The following ELAVL2 variants were observed in gnomAD, a reference collection of about 807,000 sequenced individuals.
ELAVL2 encodes ELAV-like protein 2.
Under a neutral mutation model 34.6 loss-of-function variants are expected in ELAVL2, and 4 were observed. The ratio of observed to expected loss-of-function variants is 0.12; its 90% CI spans 0.06 to 0.26. The LOEUF (loss-of-function observed/expected upper bound fraction) is 0.26. ELAVL2 is among the 10% of genes least tolerant of loss of function. The probability of loss-of-function intolerance (pLI) is 1.00; values close to 1 mark genes in which losing one functional copy is unlikely to be tolerated. For missense variants in ELAVL2, 432 were observed against 442.8 expected (o/e 0.98, Z 0.22); for synonymous variants, 193 against 154.8 (o/e 1.25, Z -1.83).
intron 2 of ELAVL2, among the ~76,000 whole-genome samples, chr9:23,759,748 ATAGTAT>A (rs1264807675): frequency 5.9e-4 from 59 of 99,910 alleles, no homozygotes; most frequent in African/African-American, 2.7e-3. Flanking sequence ...TACATCATAT[ATAGTAT>A]TATATATATA....
intron 3 of ELAVL2, among the ~76,000 whole-genome samples, chr9:23,719,918 C>T (rs1390624676): frequency 1.3e-5 from 2 of 151,426 alleles, no homozygotes; most frequent in Admixed American, 6.6e-5. Flanking sequence ...TTCCGCCTCC[C>T]GGGTTCAAGG....
At chr9:23,804,426 G>C (rs564477529) in intron 1 of ELAVL2, among the ~76,000 whole-genome samples, 1 of 152,148 alleles carries the variant, frequency 6.6e-6, no homozygotes, top group East Asian at 1.9e-4. Context: ...CTTTTTGAAT[G>C]CTCTCTGAAC....
At chr9:23,711,725 C>G (rs2041018478) in intron 3 of ELAVL2, among the ~76,000 whole-genome samples, 1 of 152,160 alleles carries the variant, frequency 6.6e-6, no homozygotes, top group South Asian at 2.1e-4. Context: ...CTGACTTAAC[C>G]AAAATGTACT....
Position 23,692,102 on chromosome 9 carries a change from A to G in ELAVL2, c.*455T>C, listed in dbSNP as rs756702876. On this transcript the variant is annotated 3_prime_UTR_variant, in exon 7 of 7. Coordinates refer to ENST00000397312, the MANE Select transcript of ELAVL2 (RefSeq NM_004432.5). ...TTCAAAATACTTTTCTTAAACAGACATAACAGCAATGCTTTAAATGTAAAC... is the reference window on the plus strand; with the variant it reads ...TTCAAAATACTTTTCTTAAACAGACGTAACAGCAATGCTTTAAATGTAAAC... The G allele has an allele frequency of 1.7e-4, 27 of 156,086 alleles. No individual in the cohort carries two copies. Among genetic ancestry groups the G allele is most frequent in the African/African-American group, 3.4e-4 (14 of 41,492 alleles). 9.7% of individuals were successfully genotyped at this position (156,086 alleles called of 1,614,324 possible).
At chr9:23,819,211 G>A (rs1019429878) in intron 1 of ELAVL2, among the ~76,000 whole-genome samples, 4 of 152,144 alleles carry the variant, frequency 2.6e-5, no homozygotes, top group African/African-American at 9.7e-5. Context: ...AAGGAATGAT[G>A]GTATATGACA....
the ELAVL2 span, chr9:23,849,959 C>T: frequency 6.6e-6 from 1 of 152,126 alleles, no homozygotes. Flanking sequence ...ATTTTCAAAA[C>T]TGCTTGTGCT....
intron 2 of ELAVL2, among the ~76,000 whole-genome samples, chr9:23,736,323 C>A (rs549564382): frequency 6.6e-6 from 1 of 152,246 alleles, no homozygotes; most frequent in African/African-American, 2.4e-5. Context: ...CTACAATAAG[C>A]ATTCAATAAC....
At chr9:23,752,113 A>G (rs775641831) in intron 2 of ELAVL2, among the ~76,000 whole-genome samples, 35 of 152,184 alleles carry the variant, frequency 2.3e-4, no homozygotes, top group Non-Finnish European at 3.8e-4. Context: ...GGGGAAAAAC[A>G]AAAGTCTGCA....
chr9:23,844,492 T>C, the ELAVL2 span, among the ~76,000 whole-genome samples: 1 of 152,010 alleles, frequency 6.6e-6, no homozygotes, highest in African/African-American at 2.4e-5. Context: ...AATTAGAAAT[T>C]CAAAAGTCTA....
chr9:23,708,471 TG>T (rs1216781190), intron 3 of ELAVL2, among the ~76,000 whole-genome samples: 1 of 152,184 alleles, frequency 6.6e-6, no homozygotes, highest in African/African-American at 2.4e-5. Flanking sequence ...TTCTGTGTCC[TG>T]GTCTCCTCAT....
At chr9:23,695,330 T>C (rs1050592462) in intron 5 of ELAVL2, among the ~76,000 whole-genome samples, 1 of 152,184 alleles carries the variant, frequency 6.6e-6, no homozygotes, top group Non-Finnish European at 1.5e-5. Flanking sequence ...AGGCACCTTA[T>C]CAATTCACTC....
intron 1 of ELAVL2, among the ~76,000 whole-genome samples, chr9:23,772,641 A>G (rs2057510109): frequency 6.6e-6 from 1 of 152,054 alleles, no homozygotes; most frequent in Non-Finnish European, 1.5e-5. Context: ...CCCAGGGCAC[A>G]TAAATATCTT....
chr9:23,783,011 G>A (rs2136901434), intron 1 of ELAVL2, among the ~76,000 whole-genome samples: 1 of 152,286 alleles, frequency 6.6e-6, no homozygotes, highest in Admixed American at 6.5e-5. Flanking sequence ...AGCTGAGTCT[G>A]CAGATATCCC....
chr9:23,721,116 A>G (rs904073359), intron 3 of ELAVL2, among the ~76,000 whole-genome samples: 3 of 152,224 alleles, frequency 2.0e-5, no homozygotes, highest in African/African-American at 7.2e-5. Flanking sequence ...TCTAAATAAG[A>G]CAAATGCCAG....
the ELAVL2 span, among the ~76,000 whole-genome samples, chr9:23,849,337 A>G: frequency 6.6e-6 from 1 of 152,178 alleles, no homozygotes; most frequent in Non-Finnish European, 1.5e-5. Context: ...ACCTTTTAAG[A>G]CCACAACTTT....
At chr9:23,847,610 T>G in the ELAVL2 span, among the ~76,000 whole-genome samples, 1 of 152,108 alleles carries the variant, frequency 6.6e-6, no homozygotes, top group Non-Finnish European at 1.5e-5. Context: ...CACTTATAAT[T>G]TTGGTATAAA....
chr9:23,745,322 A>G (rs1023004631), intron 2 of ELAVL2, among the ~76,000 whole-genome samples: 7 of 152,196 alleles, frequency 4.6e-5, no homozygotes, highest in African/African-American at 1.7e-4. Flanking sequence ...TATTATACAA[A>G]GATTTTCTGT....
At position 23,796,592 on chromosome 9, in the gene ELAVL2, T is replaced by C. The variant is rs967935237; in HGVS notation, c.-16+29214A>G. On this transcript the variant is annotated intron_variant, in intron 1 of 6. Coordinates refer to ENST00000397312, the MANE Select transcript of ELAVL2 (RefSeq NM_004432.5). ...TTAGTCATTATGATCCAAAGATGCATGACTTGCCTCACTAGGGCAATGGCT... is the reference window on the plus strand; with the variant it reads ...TTAGTCATTATGATCCAAAGATGCACGACTTGCCTCACTAGGGCAATGGCT... 2.6e-5 allele frequency among the ~76,000 whole-genome samples: 4 copies of C among 152,268 alleles called. No individual in the cohort carries two copies. The East Asian group carries it at 7.7e-4, about 29-fold the overall frequency.
At chr9:23,809,791 A>G (rs1198411782) in intron 1 of ELAVL2, among the ~76,000 whole-genome samples, 1 of 152,160 alleles carries the variant, frequency 6.6e-6, no homozygotes, top group Admixed American at 6.5e-5. Flanking sequence ...GTCATTTTGA[A>G]TCTGTAATTC....
Sources: gnomAD v4.1 joint callset for allele counts (sites outside exome capture counted in the v4.1 genomes callset) on GRCh38, gnomAD v4.1.1 for gene constraint, MANE v1.5 for transcripts, NCBI Gene and HGNC (gene_info 2026-07-23, HGNC 2026-07-21) for gene names.